GSE1: variants seen among roughly 807,000 people sequenced by gnomAD.
The protein encoded by GSE1 is genetic suppressor element 1.
A neutral mutation model predicts 112.6 loss-of-function variants in GSE1; 32 were observed. The observed-to-expected ratio is 0.28, with a 90% CI of 0.21 to 0.38. The LOEUF (loss-of-function observed/expected upper bound fraction) is 0.38, where lower values mean the gene tolerates loss of function less well. Ranked by LOEUF, GSE1 falls within the 10% of genes least tolerant of loss-of-function variation. The probability of loss-of-function intolerance (pLI) is 1.00; values close to 1 mark genes in which losing one functional copy is unlikely to be tolerated. For synonymous variants in GSE1, 1,115 were observed against 735.6 expected, an observed-to-expected ratio of 1.52 and a Z score of -8.35; for missense variants, 2,348 against 1,699.2, an observed-to-expected ratio of 1.38 and a Z score of -6.71.
chr16:85,453,518 C>G (rs1053050590), intron 2 of GSE1, among the ~76,000 whole-genome samples: 15 of 151,996 alleles, frequency 9.9e-5, no homozygotes, highest in African/African-American at 3.4e-4. Context: ...AGGAGGAGGT[C>G]GGTGGGTGGA....
exon 1 of GSE1, chr16:85,170,774 G>A: frequency 1.0e-6 from 1 of 985,542 alleles, no homozygotes; most frequent in Non-Finnish European, 1.2e-6. Flanking sequence ...AGCGAGGGCG[G>A]CAGTACCTTG....
intron 1 of GSE1, among the ~76,000 whole-genome samples, chr16:85,319,323 A>T (rs545786562): frequency 6.6e-6 from 1 of 152,304 alleles, no homozygotes; most frequent in East Asian, 1.9e-4. Flanking sequence ...GGGAGTCCTA[A>T]TGGAAGCCTC....
chr16:85,210,151 T>C (rs183094179), intron 1 of GSE1, among the ~76,000 whole-genome samples: 80 of 152,286 alleles, frequency 5.3e-4, no homozygotes, highest in Non-Finnish European at 1.0e-3. Flanking sequence ...ACTGAAACCA[T>C]TTGTCAGCAG....
At chr16:85,215,429 A>AT (rs2075292290) in intron 1 of GSE1, among the ~76,000 whole-genome samples, 1 of 152,170 alleles carries the variant, frequency 6.6e-6, no homozygotes, top group Non-Finnish European at 1.5e-5. Context: ...GGGGCCAGGG[A>AT]TAAAAACTAC....
chr16:85,557,560 C>T (rs2045296983), intron 1 of GSE1, among the ~76,000 whole-genome samples: 1 of 149,594 alleles, frequency 6.7e-6, no homozygotes, highest in Admixed American at 6.6e-5. Context: ...GCCCGGTGTT[C>T]GGTTTCGGGT....
chr16:85,590,172 CAT>C lies in GSE1; in HGVS notation c.37+33810_37+33811del, dbSNP rs945015396. On this transcript the variant is annotated intron_variant, in intron 1 of 2. Transcript: ENST00000635906. ...TGAGCGTGTGAGTGAATGTGTGTGACATTGTGTATGTCACTGAATGAATGTGT... is the reference window on the plus strand; with the variant it reads ...TGAGCGTGTGAGTGAATGTGTGTGACTGTGTATGTCACTGAATGAATGTGT... 9.9e-5 allele frequency among the ~76,000 whole-genome samples: 15 copies of C among 151,740 alleles called. 1 individual carries two copies. Among genetic ancestry groups the C allele is most frequent in the Non-Finnish European group, 2.1e-4 (14 of 67,940 alleles).
At chr16:85,356,844 G>T (rs1393729795) in intron 1 of GSE1, among the ~76,000 whole-genome samples, 2 of 152,170 alleles carry the variant, frequency 1.3e-5, no homozygotes, top group Non-Finnish European at 1.5e-5. Flanking sequence ...TCAGAGAGGT[G>T]AGGGGCCTGC....
intron 2 of GSE1, among the ~76,000 whole-genome samples, chr16:85,465,867 C>A (rs2050108058): frequency 6.6e-6 from 1 of 152,230 alleles, no homozygotes; most frequent in African/African-American, 2.4e-5. Context: ...TAGAGAGTAA[C>A]CATTTTTCTT....
At chr16:85,238,783 T>C (rs1256160045) in intron 1 of GSE1, among the ~76,000 whole-genome samples, 1 of 152,184 alleles carries the variant, frequency 6.6e-6, no homozygotes, top group Admixed American at 6.5e-5. Flanking sequence ...TTCTTTCCAC[T>C]GCCACCAAGC....
upstream of GSE1, chr16:85,554,972 C>T (rs2045126358): frequency 1.0e-6 from 1 of 985,278 alleles, no homozygotes. Context: ...CGGCTTCCTG[C>T]GCCCCGCTCC....
At position 85,483,646 on chromosome 16, in the gene GSE1, C is replaced by T. The variant is rs576692831; in HGVS notation, c.2464+126003C>T. On this transcript the variant is annotated intron_variant, in intron 2 of 2. Coordinates refer to the GSE1 transcript ENST00000637419. ...GTGTCTCCGAGGCGGCGGGCTGAGA[C>T]GGATGGGCCTCCTGGCCGCACACCT... is the stretch of plus-strand genomic sequence containing the variant. Among the ~76,000 whole-genome samples the T allele has an allele frequency of 1.2e-4, 19 of 152,398 alleles. No individual in the cohort carries two copies. In the South Asian group the frequency reaches 1.7e-3, roughly 13 times the overall value.
chr16:85,321,168 G>C (rs1268040950), intron 1 of GSE1, among the ~76,000 whole-genome samples: 2 of 152,164 alleles, frequency 1.3e-5, no homozygotes, highest in Non-Finnish European at 2.9e-5. Context: ...CGGTGTCCTA[G>C]AACAGTTCCT....
chr16:85,402,589 C>T (rs181633117), intron 2 of GSE1, among the ~76,000 whole-genome samples: 3 of 152,246 alleles, frequency 2.0e-5, no homozygotes, highest in South Asian at 2.1e-4. Context: ...TTGTCGGGAG[C>T]GCGGCGCTGG....
At chr16:85,252,495 G>C (rs1597195054) in intron 1 of GSE1, among the ~76,000 whole-genome samples, 1 of 152,246 alleles carries the variant, frequency 6.6e-6, no homozygotes, top group South Asian at 2.1e-4. Flanking sequence ...AGCCCCTTGG[G>C]CACACCCAAG....
intron 3 of GSE1, among the ~76,000 whole-genome samples, chr16:85,649,821 C>T (rs1370227362): frequency 6.6e-6 from 1 of 152,158 alleles, no homozygotes; most frequent in South Asian, 2.1e-4. Flanking sequence ...TCCCTCTCCC[C>T]CAGGGGAGGA....
chr16:85,389,349 A>G (rs1163789432), intron 2 of GSE1, among the ~76,000 whole-genome samples: 1 of 151,560 alleles, frequency 6.6e-6, no homozygotes, highest in Non-Finnish European at 1.5e-5. Flanking sequence ...AATCCCAGCC[A>G]CTCGGGAGGC....
Position 85,419,303 on chromosome 16 carries a change from G to C in GSE1, c.2464+61660G>C, listed in dbSNP as rs1288415520. 6.6e-6 allele frequency among the ~76,000 whole-genome samples: 1 copy of C among 152,262 alleles called. No individual in the cohort carries two copies. The highest frequency in any genetic ancestry group is 1.9e-4 in the East Asian group (1 of 5,172). On this transcript the variant is annotated intron_variant, in intron 2 of 2. Transcript: ENST00000637419. The surrounding 1 kb of genome is among the most constrained non-coding windows in gnomAD (Gnocchi z 6.5). Reference sequence around the variant, plus strand: ...ACCTCAGGAGGCAACATTTAGAGTCGGGGTCAGGGTTTGAGAATATACCAG... The same window carrying C: ...ACCTCAGGAGGCAACATTTAGAGTCCGGGTCAGGGTTTGAGAATATACCAG...
intron 2 of GSE1, among the ~76,000 whole-genome samples, chr16:85,498,342 CA>C (rs1267691095): frequency 6.6e-6 from 1 of 152,060 alleles, no homozygotes; most frequent in Non-Finnish European, 1.5e-5. Flanking sequence ...CACACACGGA[CA>C]CACAGATACC....
intron 1 of GSE1, among the ~76,000 whole-genome samples, chr16:85,569,452 C>T (rs1050321047): frequency 6.6e-6 from 1 of 152,238 alleles, no homozygotes; most frequent in African/African-American, 2.4e-5. Flanking sequence ...CTCTCTGGGC[C>T]TCAGTTTACT....
Sources: allele counts gnomAD v4.1 joint callset (sites outside exome capture counted in the v4.1 genomes callset), GRCh38; gene constraint gnomAD v4.1.1; non-coding constraint Gnocchi (gnomAD v3.1); transcripts MANE v1.5; gene names NCBI Gene and HGNC (gene_info 2026-07-23, HGNC 2026-07-21).